PDE3A: variants seen among roughly 807,000 people sequenced by gnomAD.
PDE3A encodes phosphodiesterase 3A, also known as cGMP-inhibited 3',5'-cyclic phosphodiesterase 3A.
PDE3A carries 43 observed loss-of-function variants against 98.3 expected under a neutral mutation model. The observed-to-expected ratio is 0.44, with a 90% confidence interval of 0.34 to 0.56. PDE3A has a LOEUF of 0.56. Ranked by LOEUF, PDE3A falls within the 20% of genes least tolerant of loss-of-function variation. The pLI, the probability that PDE3A is intolerant of heterozygous loss-of-function variation, is 0.01. For synonymous variants in PDE3A, 663 were observed against 567.9 expected (o/e 1.17, Z -2.38); for missense variants, 1,427 against 1,440.7 (o/e 0.99, Z 0.15).
At chr12:20,605,156 T>G (rs1341170344) in intron 2 of PDE3A, among the ~76,000 whole-genome samples, 2 of 152,234 alleles carry the variant, frequency 1.3e-5, no homozygotes, top group Non-Finnish European at 2.9e-5. Context: ...GATATTTTGT[T>G]AGTCTATGTA....
intron 1 of PDE3A, among the ~76,000 whole-genome samples, chr12:20,530,142 G>A (rs374973227): frequency 6.6e-6 from 1 of 152,024 alleles, no homozygotes; most frequent in Non-Finnish European, 1.5e-5. Flanking sequence ...AAAGTTATTC[G>A]ATCATTTCTT....
chr12:20,410,426 C>G (rs1446718598), intron 1 of PDE3A, among the ~76,000 whole-genome samples: 1 of 152,148 alleles, frequency 6.6e-6, no homozygotes, highest in Admixed American at 6.6e-5. Flanking sequence ...AATTTCTGTT[C>G]TTTCTGCTAG....
intron 1 of PDE3A, among the ~76,000 whole-genome samples, chr12:20,509,014 T>C (rs1222885842): frequency 6.6e-6 from 1 of 152,116 alleles, no homozygotes; most frequent in African/African-American, 2.4e-5. Context: ...GCCAGCATTT[T>C]TCCCTCACCA....
At chr12:20,474,999 G>A (rs963414607) in intron 1 of PDE3A, among the ~76,000 whole-genome samples, 3 of 152,104 alleles carry the variant, frequency 2.0e-5, no homozygotes, top group African/African-American at 7.2e-5. Flanking sequence ...GTGAGACAGT[G>A]CTGTGACTGT....
chr12:20,621,223 G>T, intron 4 of PDE3A, 73 bp from the exon 5 acceptor site: 1 of 834,840 alleles, frequency 1.2e-6, no homozygotes, highest in South Asian at 1.4e-5. Context: ...GTTGGGTTCT[G>T]GCAAGACTGG....
intron 7 of PDE3A, 65 bp from the exon 8 acceptor site, chr12:20,634,837 T>G: frequency 8.5e-7 from 1 of 1,173,740 alleles, no homozygotes; most frequent in Non-Finnish European, 1.3e-6. Flanking sequence ...TTAGCAAAAT[T>G]TGCTTAAATG....
At position 20,680,471 on chromosome 12, in the gene PDE3A, C is replaced by T. The variant is rs1289829904; in HGVS notation, c.*200C>T. On this transcript the variant is annotated 3_prime_UTR_variant, in exon 16 of 16. Coordinates refer to ENST00000359062, the MANE Select transcript of PDE3A (RefSeq NM_000921.5). ...AACTTTTTGCTCAAAGAAGCTTTCA[C>T]ATTGCAACACCAGCTTCTAAGGATT... 1.3e-5 allele frequency: 7 copies of T among 559,274 alleles called. No individual in the cohort carries two copies. The highest frequency in any genetic ancestry group is 5.7e-5 in the African/African-American group (3 of 53,050). The allele number at this position is 559,274 out of a possible 1,614,324, so 34.6% of individuals were successfully genotyped here. A position where few individuals can be genotyped will look rare whatever the true frequency, so the allele number is the denominator to read the frequency against.
intron 1 of PDE3A, chr12:20,551,509 C>T: frequency 1.0e-6 from 1 of 961,542 alleles, no homozygotes; most frequent in Non-Finnish European, 1.5e-6. Flanking sequence ...AGCGATTTGT[C>T]TGGTTAATTC....
intron 1 of PDE3A, among the ~76,000 whole-genome samples, chr12:20,401,021 G>A (rs1944119818): frequency 6.6e-6 from 1 of 152,182 alleles, no homozygotes; most frequent in East Asian, 1.9e-4. Context: ...GTCCGGGTCT[G>A]TCTTGTGCTG....
At chr12:20,419,280 TG>T (rs1388659496) in intron 1 of PDE3A, among the ~76,000 whole-genome samples, 7 of 152,204 alleles carry the variant, frequency 4.6e-5, no homozygotes, top group Non-Finnish European at 7.4e-5. Context: ...TTATTTTTTT[TG>T]CTTATACCAG....
At chr12:20,675,327 C>A (rs1366793490) in intron 15 of PDE3A, among the ~76,000 whole-genome samples, 1 of 152,102 alleles carries the variant, frequency 6.6e-6, no homozygotes, top group African/African-American at 2.4e-5. Flanking sequence ...TATTTTGTAT[C>A]CTAGCATCTG....
chr12:20,448,312 G>A (rs1297032401), intron 1 of PDE3A, among the ~76,000 whole-genome samples: 1 of 152,104 alleles, frequency 6.6e-6, no homozygotes, highest in Non-Finnish European at 1.5e-5. Flanking sequence ...GTAGTGCTGG[G>A]CACCTGTAAT....
chr12:20,608,862 A>C (rs1943778187), intron 2 of PDE3A, among the ~76,000 whole-genome samples: 1 of 152,038 alleles, frequency 6.6e-6, no homozygotes, highest in Admixed American at 6.6e-5. Flanking sequence ...GAATAAACTT[A>C]ATTTCATTGT....
intron 15 of PDE3A, among the ~76,000 whole-genome samples, chr12:20,656,381 C>T (rs114418640): frequency 0.02 from 2,973 of 152,228 alleles, 80 homozygotes; most frequent in African/African-American, 0.067. Context: ...CAATTATGAA[C>T]TTATGAAGTA....
In PDE3A at chr12:20,642,022, G is replaced by A. The variant is rs1003571550; in HGVS notation, c.2251+2065G>A. Among the ~76,000 whole-genome samples the A allele has an allele frequency of 4.6e-5, 7 of 151,970 alleles. No individual in the cohort carries two copies. In the South Asian group the frequency reaches 8.3e-4, roughly 18 times the overall value. On this transcript the variant is annotated intron_variant, in intron 10 of 15. Transcript: ENST00000359062. ...CTTCACTTATCATTAGTTATAATCA[G>A]CACATACAAAAATTTGCTGTATACC...
intron 2 of PDE3A, among the ~76,000 whole-genome samples, chr12:20,603,662 G>A (rs952125920): frequency 6.6e-5 from 10 of 152,028 alleles, no homozygotes; most frequent in African/African-American, 2.4e-4. Flanking sequence ...ACACCCACGT[G>A]CACAACATAC....
intron 13 of PDE3A, among the ~76,000 whole-genome samples, 189 bp downstream of exon 13, chr12:20,649,080 C>A (rs1944854642): frequency 6.8e-6 from 1 of 147,006 alleles, no homozygotes; most frequent in African/African-American, 2.5e-5. Context: ...CTCATGCCAC[C>A]ACGCCTGCCT....
intron 1 of PDE3A, among the ~76,000 whole-genome samples, chr12:20,435,780 A>G (rs935400671): frequency 6.6e-6 from 1 of 152,226 alleles, no homozygotes; most frequent in Non-Finnish European, 1.5e-5. Flanking sequence ...GCACAAAGCT[A>G]GGGGTGATTA....
chr12:20,373,578 A>G (rs1207531117), intron 1 of PDE3A, among the ~76,000 whole-genome samples: 2 of 152,094 alleles, frequency 1.3e-5, no homozygotes, highest in African/African-American at 2.4e-5. Flanking sequence ...CACCTTACAC[A>G]TTCACTTTTG....
Sources: allele counts gnomAD v4.1 joint callset (sites outside exome capture counted in the v4.1 genomes callset), GRCh38; gene constraint gnomAD v4.1.1; transcripts MANE v1.5; gene names NCBI Gene and HGNC (gene_info 2026-07-23, HGNC 2026-07-21).